ZAR1L: variants seen among roughly 807,000 people sequenced by gnomAD.
The protein encoded by ZAR1L is zygote arrest 1 like, also known as protein ZAR1-like.
Under a neutral mutation model 30.0 loss-of-function variants are expected in ZAR1L, and 16 were observed. That is an observed-to-expected ratio of 0.53 (90% CI 0.36 to 0.81). ZAR1L has a LOEUF of 0.81. Ranked by LOEUF, ZAR1L falls within the 30% of genes least tolerant of loss-of-function variation. The pLI, the probability that ZAR1L is intolerant of heterozygous loss-of-function variation, is 0.00. For synonymous variants in ZAR1L, 197 were observed against 166.8 expected (o/e 1.18, Z -1.40); for missense variants, 392 against 417.2 (o/e 0.94, Z 0.53).
chr13:32,311,958 C>T lies in ZAR1L; in HGVS notation c.-33G>A, dbSNP rs1566211998. 2.7e-6 allele frequency: 4 copies of T among 1,499,398 alleles called. No individual in the cohort carries two copies. The highest frequency in any genetic ancestry group is 2.7e-6 in the Non-Finnish European group (3 of 1,120,484). 92.9% of individuals were successfully genotyped at this position (1,499,398 alleles called of 1,614,324 possible). A position where few individuals can be genotyped will look rare whatever the true frequency, so the allele number is the denominator to read the frequency against. On this transcript the variant is annotated 5_prime_UTR_variant, in exon 3 of 6. Transcript: ENST00000533490. ...CAGGTGCTCAGGCGCAGTCTAATAT[C>T]CTAGCCAGTTTGTTTGGGTCCTTAT...
At chr13:32,313,452 C>T (rs565061483) in intron 2 of ZAR1L, among the ~76,000 whole-genome samples, 27 of 152,340 alleles carry the variant, frequency 1.8e-4, no homozygotes, top group Non-Finnish European at 2.9e-4. Context: ...CTGCAACTTC[C>T]GCCTCTGGGG....
At position 32,311,259 on chromosome 13, in the gene ZAR1L, A is replaced by G. The variant is rs2072209849; in HGVS notation, c.654+13T>C. 1.3e-6 allele frequency: 2 copies of G among 1,540,474 alleles called. No homozygotes were observed. The highest frequency in any genetic ancestry group is 2.4e-5 in the South Asian group (2 of 82,896). Reference sequence around the variant, plus strand: ...GCTGGTCGAGGACTAAGAAGAGGGAAGAGAGGATCTACCTGGAAGTTGGGC... The same window carrying G: ...GCTGGTCGAGGACTAAGAAGAGGGAGGAGAGGATCTACCTGGAAGTTGGGC... On this transcript the variant is annotated intron_variant, in intron 3 of 5. Transcript: ENST00000533490.
At chr13:32,306,385 A>C (rs1423437713) in intron 5 of ZAR1L, among the ~76,000 whole-genome samples, 1 of 152,222 alleles carries the variant, frequency 6.6e-6, no homozygotes, top group Non-Finnish European at 1.5e-5. Context: ...CAGTTTCAAG[A>C]AACACTATGA....
At chr13:32,304,075 A>G in intron 5 of ZAR1L, 53 bp from the exon 6 acceptor site, 2 of 1,513,734 alleles carry the variant, frequency 1.3e-6, no homozygotes, top group Non-Finnish European at 1.8e-6. Context: ...TAGTGTTTCA[A>G]ATGTAACCCT....
At chr13:32,308,435 C>T (rs1307241033) in intron 5 of ZAR1L, among the ~76,000 whole-genome samples, 1 of 152,232 alleles carries the variant, frequency 6.6e-6, no homozygotes, top group Non-Finnish European at 1.5e-5. Context: ...TACATTCTAA[C>T]TATGCCCAGG....
chr13:32,309,763 T>G (rs1054766512), intron 4 of ZAR1L, among the ~76,000 whole-genome samples: 1 of 152,232 alleles, frequency 6.6e-6, no homozygotes, highest in East Asian at 1.9e-4. Context: ...TGTATCCTAG[T>G]GCCTTGGAAT....
chr13:32,310,297 GACAA>G (rs2072203034), intron 4 of ZAR1L, among the ~76,000 whole-genome samples: 1 of 152,208 alleles, frequency 6.6e-6, no homozygotes, highest in African/African-American at 2.4e-5. Context: ...CCACCTTGTG[GACAA>G]ACAGTGGAAA....
chr13:32,304,364 A>G (rs557103415), intron 5 of ZAR1L, among the ~76,000 whole-genome samples: 1 of 152,328 alleles, frequency 6.6e-6, no homozygotes, highest in South Asian at 2.1e-4. Context: ...TGTAAGAGAA[A>G]AAAATAAGTC....
chr13:32,303,786 G>C lies in ZAR1L; in HGVS notation c.*93C>G. 7.7e-7 allele frequency: 1 copy of C among 1,300,660 alleles called. No homozygotes were observed. The highest frequency in any genetic ancestry group is 2.8e-5 in the Admixed American group (1 of 35,474). The allele number at this position is 1,300,660 out of a possible 1,614,324, so 80.6% of individuals were successfully genotyped here. On this transcript the variant is annotated 3_prime_UTR_variant, in exon 6 of 6. Transcript: ENST00000533490. ...AAGTACAAAAGCCTAGCCATTTTCCGATGCCAGGTCAGAGCCAAGTTGCAA... is the reference window on the plus strand; with the variant it reads ...AAGTACAAAAGCCTAGCCATTTTCCCATGCCAGGTCAGAGCCAAGTTGCAA...
intron 2 of ZAR1L, among the ~76,000 whole-genome samples, chr13:32,313,688 A>C (rs2072229761): frequency 6.6e-6 from 1 of 152,122 alleles, no homozygotes; most frequent in Non-Finnish European, 1.5e-5. Flanking sequence ...TTTTAAGAAA[A>C]ATTAAAGCAT....
chr13:32,308,992 ATT>A (rs35160937), intron 4 of ZAR1L, among the ~76,000 whole-genome samples: 93 of 144,600 alleles, frequency 6.4e-4, no homozygotes, highest in Middle Eastern at 7.0e-3. Context: ...ATTGGAATAC[ATT>A]TTTTTTTTTT....
chr13:32,313,658 T>C (rs2072229513), intron 2 of ZAR1L, among the ~76,000 whole-genome samples: 1 of 152,192 alleles, frequency 6.6e-6, no homozygotes, highest in Non-Finnish European at 1.5e-5. Flanking sequence ...TGAGCCACCA[T>C]GCCCAGCTGG....
intron 4 of ZAR1L, among the ~76,000 whole-genome samples, chr13:32,309,243 C>A (rs1487946964): frequency 3.3e-5 from 5 of 152,046 alleles, no homozygotes; most frequent in Non-Finnish European, 5.9e-5. Context: ...CTACCCACCT[C>A]GGCCTCCCAA....
intron 1 of ZAR1L, among the ~76,000 whole-genome samples, chr13:32,314,779 G>C (rs1205717001): frequency 6.6e-6 from 1 of 152,166 alleles, no homozygotes; most frequent in Non-Finnish European, 1.5e-5. Flanking sequence ...TTGATCCCTG[G>C]AGGCGGAAGT....
Position 32,311,293 on chromosome 13 carries a change from C to T in ZAR1L, c.633G>A (p.Pro211=), listed in dbSNP as rs557501702. The T allele has an allele frequency of 3.9e-6, 6 of 1,548,470 alleles. No individual in the cohort carries two copies. Among genetic ancestry groups the T allele is most frequent in the African/African-American group, 1.4e-5 (1 of 72,992 alleles). Reference sequence around the variant, plus strand: ...CTACCTGGAAGTTGGGCCTCCGGAGCGGCTCGGAGGCGGCGTCTCCAGGCA... The same window carrying T: ...CTACCTGGAAGTTGGGCCTCCGGAGTGGCTCGGAGGCGGCGTCTCCAGGCA... ...KQVPGDAASE[P]LRRPNFQFLE... The change falls in exon 3 of 6, where the codon CCG becomes CCA. Residue 211 remains proline (P), a synonymous_variant. Coordinates refer to ENST00000533490, the MANE Select transcript of ZAR1L (RefSeq NM_001136571.2).
intron 5 of ZAR1L, among the ~76,000 whole-genome samples, chr13:32,307,802 T>G (rs531912486): frequency 1.3e-5 from 2 of 152,224 alleles, no homozygotes; most frequent in East Asian, 1.9e-4. Flanking sequence ...GTCAATTAAT[T>G]TATTAATTAA....
intron 5 of ZAR1L, among the ~76,000 whole-genome samples, chr13:32,306,616 C>T (rs115670513): frequency 0.015 from 2,239 of 152,208 alleles, 68 homozygotes; most frequent in African/African-American, 0.051. Flanking sequence ...TCTATATATA[C>T]CCAGCGAAAA....
chr13:32,310,708 A>G lies in ZAR1L; in HGVS notation c.678T>C (p.Tyr226=), dbSNP rs78742184. 1.3e-6 allele frequency: 2 copies of G among 1,551,588 alleles called. No individual in the cohort carries two copies. The highest frequency in any genetic ancestry group is 1.7e-6 in the Non-Finnish European group (2 of 1,146,864). The change falls in exon 4 of 6, where the codon TAT becomes TAC. Residue 226 remains tyrosine, a synonymous_variant. Coordinates refer to ENST00000533490, the MANE Select transcript of ZAR1L (RefSeq NM_001136571.2). The part of the protein sequence containing the change: ...NFQFLEPKYG[Y]FHCKDCKTRW... ...TGGTCTTACAATCTTTACAGTGGAA[A>G]TAGCCATATTTTGGTTCCAAAAACT...
In ZAR1L at chr13:32,311,610, A is replaced by T; in HGVS notation, c.316T>A (p.Ser106Thr). 1 of 1,549,630 alleles carries T rather than the reference A, an allele frequency of 6.5e-7. No individual in the cohort carries two copies. Among genetic ancestry groups the T allele is most frequent in the Admixed American group, 2.0e-5 (1 of 50,932 alleles). Reference protein sequence around the residue: ...SPRVDKAVQCSLGPRTLSSCS... With the variant: ...SPRVDKAVQCTLGPRTLSSCS... ...CTGCTGAGGGTGCGAGGCCCCAGAG[A>T]GCACTGCACAGCCTTGTCCACCCGC... The change falls in exon 3 of 6, where the codon TCT (serine) becomes ACT (threonine). Residue 106 changes from serine (S) to threonine (T), a missense_variant. By Grantham distance (58) the Ser-to-Thr change is moderately conservative. Transcript: ENST00000533490.
Sources: gnomAD v4.1 joint callset for allele counts (sites outside exome capture counted in the v4.1 genomes callset) on GRCh38, gnomAD v4.1.1 for gene constraint, MANE v1.5 for transcripts, NCBI Gene and HGNC (gene_info 2026-07-23, HGNC 2026-07-21) for gene names.